KYAT3: variants seen among roughly 807,000 people sequenced by gnomAD.
The protein encoded by KYAT3 is kynurenine--oxoglutarate transaminase 3.
A neutral mutation model predicts 59.0 loss-of-function variants in KYAT3; 50 were observed. The observed-to-expected ratio is 0.85, with a 90% CI of 0.68 to 1.07. The LOEUF is 1.07. Ranked by LOEUF, KYAT3 falls within the 50% of genes least tolerant of loss-of-function variation. KYAT3 has a pLI of 0.00. For synonymous variants in KYAT3, 148 were observed against 177.0 expected, an observed-to-expected ratio of 0.84 and a Z score of 1.30; for missense variants, 497 against 533.3, an observed-to-expected ratio of 0.93 and a Z score of 0.67.
intron 11 of KYAT3, among the ~76,000 whole-genome samples, chr1:88,947,968 T>C (rs1463591695): frequency 6.6e-6 from 1 of 152,142 alleles, no homozygotes; most frequent in Non-Finnish European, 1.5e-5. Flanking sequence ...GGTGCATGCC[T>C]GTGGTCCCAG....
intron 10 of KYAT3, among the ~76,000 whole-genome samples, chr1:88,951,916 T>C (rs1321272723): frequency 1.3e-5 from 2 of 152,082 alleles, no homozygotes; most frequent in African/African-American, 2.4e-5. Flanking sequence ...GGACAGATTA[T>C]CCATTGGGCC....
intron 11 of KYAT3, among the ~76,000 whole-genome samples, chr1:88,946,535 A>G (rs913110132): frequency 2.0e-5 from 3 of 152,204 alleles, no homozygotes; most frequent in African/African-American, 7.2e-5. Context: ...TTTTAATATG[A>G]GAAGGCTCAC....
At position 88,942,264 on chromosome 1, in the gene KYAT3, C is replaced by CT. The variant is rs879414273; in HGVS notation, c.1302+740dup. On this transcript the variant is annotated intron_variant, in intron 13 of 13. Coordinates refer to ENST00000260508, the MANE Select transcript of KYAT3 (RefSeq NM_001008661.3). ...TAAGTTCTTGAATCTCCATTTGGTT[C>CT]TTTTTTTTTTTAATAGTTTGAACCT... Among the ~76,000 whole-genome samples, 761 of 144,182 alleles carry CT rather than the reference C, an allele frequency of 5.3e-3. 1 individual carries two copies. Among genetic ancestry groups the CT allele is most frequent in the East Asian group, 0.012 (61 of 4,942 alleles). 94.6% of individuals were successfully genotyped at this position (144,182 alleles called of 152,430 possible).
At chr1:88,934,989 ATTTTTTTTTTTTTTT>A (rs59691903), downstream of KYAT3, among the ~76,000 whole-genome samples, 1 of 110,102 alleles carries the variant, frequency 9.1e-6, no homozygotes, top group Non-Finnish European at 1.8e-5. Flanking sequence ...TAAAGAAGTG[ATTTTTTTTTTTTTTT>A]TTTTTTTGAG....
At chr1:88,957,338 T>C (rs1373076829) in intron 8 of KYAT3, among the ~76,000 whole-genome samples, 1 of 152,290 alleles carries the variant, frequency 6.6e-6, no homozygotes, top group East Asian at 1.9e-4. Flanking sequence ...AAGAACACTA[T>C]GACACATGCC....
At chr1:88,987,491 A>T (rs1194255714) in intron 2 of KYAT3, among the ~76,000 whole-genome samples, 3 of 152,240 alleles carry the variant, frequency 2.0e-5, no homozygotes. Context: ...TGAATACAAA[A>T]TTGTCAATAT....
chr1:88,991,474 C>T (rs148354254), intron 1 of KYAT3, among the ~76,000 whole-genome samples: 129 of 152,352 alleles, frequency 8.5e-4, no homozygotes, highest in Non-Finnish European at 1.6e-3. Context: ...ATTTTCCTTT[C>T]ACACTCTACC....
intron 8 of KYAT3, among the ~76,000 whole-genome samples, chr1:88,957,104 T>A (rs750878468): frequency 3.9e-5 from 6 of 152,166 alleles, no homozygotes; most frequent in Non-Finnish European, 8.8e-5. Context: ...AAACAACGTA[T>A]AAGTAATTTC....
At chr1:88,942,032 T>C (rs966963148) in intron 13 of KYAT3, among the ~76,000 whole-genome samples, 2 of 152,218 alleles carry the variant, frequency 1.3e-5, no homozygotes, top group East Asian at 3.8e-4. Flanking sequence ...TTCTCTCTCT[T>C]TTTTTTCTTG....
chr1:88,921,432 G>A, the KYAT3 span, among the ~76,000 whole-genome samples: 3 of 152,024 alleles, frequency 2.0e-5, no homozygotes, highest in African/African-American at 4.8e-5. Context: ...AGATATTATT[G>A]GTTTTTCAAT....
intron 2 of KYAT3, 62 bp from the exon 3 acceptor site, chr1:88,969,529 A>T (rs1007301987): frequency 6.9e-6 from 6 of 864,638 alleles, no homozygotes. Context: ...CCAGTAAATC[A>T]TGGGTCACTC....
chr1:88,989,234 C>T (rs1677641540), intron 1 of KYAT3, among the ~76,000 whole-genome samples: 1 of 152,142 alleles, frequency 6.6e-6, no homozygotes, highest in South Asian at 2.1e-4. Flanking sequence ...CTAAATAGAG[C>T]TTCTATATAA....
chr1:88,968,329 A>G (rs138536679), intron 4 of KYAT3, among the ~76,000 whole-genome samples: 300 of 152,330 alleles, frequency 2.0e-3, no homozygotes, highest in African/African-American at 6.6e-3. Context: ...AGTTGGATAT[A>G]TTAAATAAAG....
At chr1:88,970,754 C>A (rs990657873) in intron 2 of KYAT3, among the ~76,000 whole-genome samples, 6 of 152,048 alleles carry the variant, frequency 3.9e-5, no homozygotes, top group African/African-American at 1.4e-4. Context: ...TCATTGTTAA[C>A]AAGCTGGTAG....
intron 9 of KYAT3, among the ~76,000 whole-genome samples, chr1:88,953,897 T>C (rs1675789405): frequency 7.3e-6 from 1 of 137,076 alleles, no homozygotes. Context: ...CTCCTTCTTC[T>C]TCTTCTTCTT....
intron 10 of KYAT3, 78 bp from the exon 11 acceptor site, chr1:88,949,355 A>G: frequency 9.7e-7 from 1 of 1,027,814 alleles, no homozygotes. Flanking sequence ...TATAATAAAT[A>G]GAGATGATCT....
At chr1:88,962,660 G>A (rs1489856222) in intron 5 of KYAT3, among the ~76,000 whole-genome samples, 3 of 152,012 alleles carry the variant, frequency 2.0e-5, no homozygotes, top group Non-Finnish European at 4.4e-5. Flanking sequence ...TCAAAAGCAC[G>A]GTTAATTTTT....
intron 4 of KYAT3, among the ~76,000 whole-genome samples, chr1:88,966,755 G>A (rs779814287): frequency 3.3e-5 from 5 of 152,078 alleles, no homozygotes; most frequent in Non-Finnish European, 7.4e-5. Context: ...ACAATGGTCA[G>A]AGTGGACATC....
chr1:88,961,085 T>C (rs1165005060), intron 8 of KYAT3, 82 bp downstream of exon 8: 3 of 1,413,814 alleles, frequency 2.1e-6, no homozygotes, highest in Non-Finnish European at 3.0e-6. Context: ...TGTTTTAGAG[T>C]TGGTCTGGGA....
Sources: allele counts gnomAD v4.1 joint callset (sites outside exome capture counted in the v4.1 genomes callset), GRCh38; gene constraint gnomAD v4.1.1; transcripts MANE v1.5; gene names NCBI Gene and HGNC (gene_info 2026-07-23, HGNC 2026-07-21).